The following HIPK3 variants were observed in gnomAD, a reference collection of about 807,000 sequenced individuals.
The protein encoded by HIPK3 is homeodomain interacting protein kinase 3.
HIPK3 carries 47 observed loss-of-function variants against 124.2 expected under a neutral mutation model. The observed-to-expected ratio is 0.38, with a 90% CI of 0.30 to 0.48. The LOEUF is 0.48. Among genes scored for constraint, HIPK3 ranks in the 20% least tolerant of loss-of-function variants. The pLI is 0.98. For missense variants in HIPK3, 1,286 were observed against 1,454.3 expected (o/e 0.88, Z 1.88); for synonymous variants, 482 against 515.2 (o/e 0.94, Z 0.87).
chr11:33,343,844 G>T (rs1853416694), intron 8 of HIPK3, among the ~76,000 whole-genome samples: 1 of 152,170 alleles, frequency 6.6e-6, no homozygotes, highest in South Asian at 2.1e-4. Context: ...GGGCAACTTA[G>T]ATGGTTGATT....
At chr11:33,273,897 CTG>C (rs1166000471) in intron 1 of HIPK3, among the ~76,000 whole-genome samples, 1 of 152,138 alleles carries the variant, frequency 6.6e-6, no homozygotes, top group Non-Finnish European at 1.5e-5. Context: ...AACTGAAAAA[CTG>C]TTATGTGTCT....
chr11:33,352,411 C>A, intron 16 of HIPK3, 146 bp downstream of exon 16: 1 of 809,730 alleles, frequency 1.2e-6, no homozygotes. Context: ...GAGTAACTGG[C>A]TTAATAATAG....
chr11:33,261,166 ATACAT>A (rs1850814023), intron 1 of HIPK3, among the ~76,000 whole-genome samples: 1 of 147,036 alleles, frequency 6.8e-6, no homozygotes, highest in African/African-American at 2.5e-5. Flanking sequence ...AATATATATA[ATACAT>A]TATATAAAAT....
chr11:33,287,071 A>C lies in HIPK3; in HGVS notation c.657A>C (p.Thr219=). The part of the protein sequence containing the change: ...GQVVKCWKRG[T]NEIVAIKILK... ...TAGTTAAATGCTGGAAAAGAGGGACAAATGAAATTGTAGCAATCAAAATTT... is the reference window on the plus strand; with the variant it reads ...TAGTTAAATGCTGGAAAAGAGGGACCAATGAAATTGTAGCAATCAAAATTT... The change falls in exon 2 of 17, where the codon ACA becomes ACC. Residue 219 remains threonine (T), a synonymous_variant. Transcript: ENST00000303296. 6.2e-7 allele frequency: 1 copy of C among 1,614,244 alleles called. No homozygotes were observed. The highest frequency in any genetic ancestry group is 1.1e-5 in the South Asian group (1 of 91,088).
intron 2 of HIPK3, among the ~76,000 whole-genome samples, chr11:33,300,937 A>T (rs952410817): frequency 6.6e-6 from 1 of 152,104 alleles, no homozygotes; most frequent in Non-Finnish European, 1.5e-5. Context: ...GGGTTTTGCC[A>T]TGTTGCCAAG....
chr11:33,298,588 A>G lies in HIPK3; in HGVS notation c.1097+11077A>G, dbSNP rs189914012. ...ATTGAAAACCTTCTGGAAAGGATTT[A>G]TTGTTGTAGATGCCATTAAGAGCAT... On this transcript the variant is annotated intron_variant, in intron 2 of 16. Coordinates refer to ENST00000303296, the MANE Select transcript of HIPK3 (RefSeq NM_005734.5). Among the ~76,000 whole-genome samples, 489 of 152,382 alleles carry G rather than the reference A, an allele frequency of 3.2e-3. 7 individuals carry two copies. Among genetic ancestry groups the G allele is most frequent in the South Asian group, 0.027 (129 of 4,822 alleles).
chr11:33,308,456 C>T (rs140996650), intron 2 of HIPK3, among the ~76,000 whole-genome samples: 1,558 of 152,308 alleles, frequency 0.01, 8 homozygotes, highest in Non-Finnish European at 0.015. Flanking sequence ...TTTCTGTCTG[C>T]ACTTTAATTA....
At chr11:33,320,224 TGAG>T (rs1377212619) in intron 2 of HIPK3, among the ~76,000 whole-genome samples, 7 of 152,174 alleles carry the variant, frequency 4.6e-5, no homozygotes, top group South Asian at 4.1e-4. Flanking sequence ...ATCAGGGTTT[TGAG>T]GAGAAGAGTG....
chr11:33,258,303 AG>A (rs1348884952), intron 1 of HIPK3: 1 of 985,190 alleles, frequency 1.0e-6, no homozygotes, highest in African/African-American at 1.7e-5. Context: ...CCGCAGTCCT[AG>A]GCCGTAACTA....
At position 33,353,888 on chromosome 11, in the gene HIPK3, C is replaced by T; in HGVS notation, c.*320C>T. On this transcript the variant is annotated 3_prime_UTR_variant, in exon 17 of 17. Transcript: ENST00000303296. ...ACACGTCTACATTTGGGAAGCCATT[C>T]TGTGTACAGACTTAGAGCAACAGAT... The T allele has an allele frequency of 3.1e-6, 1 of 322,036 alleles. No individual in the cohort carries two copies. The highest frequency in any genetic ancestry group is 8.0e-5 in the East Asian group (1 of 12,546). The allele number at this position is 322,036 out of a possible 1,614,324, so 19.9% of individuals were successfully genotyped here.
rs534682448 is a variant in HIPK3, at chr11:33,259,008, C to T, written c.-3+1119C>T. On this transcript the variant is annotated intron_variant, in intron 1 of 16. Coordinates refer to ENST00000303296, the MANE Select transcript of HIPK3 (RefSeq NM_005734.5). ...TTTTGATGTCTGTCTGGTACAGGGC[C>T]GGAAAAGTTAGCTGGCAAACCAGTC... 2.0e-5 allele frequency among the ~76,000 whole-genome samples: 3 copies of T among 152,164 alleles called. No individual in the cohort carries two copies. In the East Asian group the frequency reaches 5.8e-4, roughly 29 times the overall value.
At chr11:33,322,794 C>T (rs1184217078) in intron 2 of HIPK3, among the ~76,000 whole-genome samples, 1 of 152,222 alleles carries the variant, frequency 6.6e-6, no homozygotes, top group Non-Finnish European at 1.5e-5. Flanking sequence ...CCACTGCACT[C>T]CAGCCTGGGT....
At chr11:33,273,206 AC>A (rs1350388032) in intron 1 of HIPK3, among the ~76,000 whole-genome samples, 1 of 152,032 alleles carries the variant, frequency 6.6e-6, no homozygotes, top group Non-Finnish European at 1.5e-5. Flanking sequence ...GAGTATTTCC[AC>A]ATTAGAAAGG....
In HIPK3 at chr11:33,257,860, G is replaced by A; in HGVS notation, c.-32G>A. 1 of 985,626 alleles carries A rather than the reference G, an allele frequency of 1.0e-6. No homozygotes were observed. The highest frequency in any genetic ancestry group is 1.2e-6 in the Non-Finnish European group (1 of 830,102). 61.1% of individuals were successfully genotyped at this position (985,626 alleles called of 1,614,324 possible). On this transcript the variant is annotated 5_prime_UTR_variant, in exon 1 of 17. Transcript: ENST00000303296. The stretch of plus-strand genomic sequence containing the variant: ...GACATGCTCAGGGCTGCGGCCGCCC[G>A]AAGAGGAGAGAGCGCGGGCCTCTAG...
intron 2 of HIPK3, among the ~76,000 whole-genome samples, chr11:33,326,448 A>G (rs1358306517): frequency 2.0e-5 from 3 of 152,178 alleles, no homozygotes; most frequent in Non-Finnish European, 4.4e-5. Context: ...AACCATCCCA[A>G]TAGTAATGAG....
intron 15 of HIPK3, 65 bp from the exon 16 acceptor site, chr11:33,352,073 A>G: frequency 6.8e-7 from 1 of 1,467,920 alleles, no homozygotes; most frequent in Non-Finnish European, 9.4e-7. Context: ...ATATCTAAAG[A>G]CTTTGCTAAT....
At chr11:33,329,270 G>A (rs1852901469) in intron 3 of HIPK3, among the ~76,000 whole-genome samples, 1 of 152,026 alleles carries the variant, frequency 6.6e-6, no homozygotes, top group Admixed American at 6.6e-5. Flanking sequence ...TGGAGAAACT[G>A]CCATCTTATT....
intron 2 of HIPK3, among the ~76,000 whole-genome samples, chr11:33,325,973 G>A (rs1852800492): frequency 6.6e-6 from 1 of 151,306 alleles, no homozygotes; most frequent in Admixed American, 6.6e-5. Context: ...ATACCTCATA[G>A]AATCTCCCCG....
intron 3 of HIPK3, among the ~76,000 whole-genome samples, chr11:33,334,177 CAG>C (rs1253292659): frequency 4.6e-5 from 7 of 152,086 alleles, no homozygotes; most frequent in Admixed American, 1.3e-4. Context: ...GTAGGGAAAA[CAG>C]ACATGTAAAA....
Sources: allele counts gnomAD v4.1 joint callset (sites outside exome capture counted in the v4.1 genomes callset), GRCh38; gene constraint gnomAD v4.1.1; transcripts MANE v1.5; gene names NCBI Gene and HGNC (gene_info 2026-07-23, HGNC 2026-07-21).